KIFC1: variants seen among roughly 807,000 people sequenced by gnomAD.
KIFC1 encodes the protein kinesin-like protein KIFC1.
A neutral mutation model predicts 66.6 loss-of-function variants in KIFC1; 37 were observed. The ratio of observed to expected loss-of-function variants is 0.56; its 90% CI spans 0.43 to 0.73. KIFC1 has a LOEUF of 0.73. Ranked by LOEUF, KIFC1 falls within the 30% of genes least tolerant of loss-of-function variation. KIFC1 has a pLI of 0.00. For synonymous variants in KIFC1, 325 were observed against 343.5 expected (o/e 0.95, Z 0.60); for missense variants, 721 against 859.8 (o/e 0.84, Z 2.02).
chr6:33,409,405 C>T (rs1288767493), intron 10 of KIFC1, among the ~76,000 whole-genome samples: 1 of 152,122 alleles, frequency 6.6e-6, no homozygotes, highest in Non-Finnish European at 1.5e-5. Flanking sequence ...ATGAAAGCCT[C>T]CTTTCTCTGC....
At position 33,400,681 on chromosome 6, in the gene KIFC1, C is replaced by G. The variant is rs1459201996; in HGVS notation, c.250+2294C>G. Reference sequence around the variant, plus strand: ...TTTTTTTTTGAGATGGAGTCTCGCTCTGTCGCCCAGGCTGGAGTGCAGTGG... The same window carrying G: ...TTTTTTTTTGAGATGGAGTCTCGCTGTGTCGCCCAGGCTGGAGTGCAGTGG... On this transcript the variant is annotated intron_variant, in intron 3 of 10. Coordinates refer to ENST00000428849, the MANE Select transcript of KIFC1 (RefSeq NM_002263.4). The surrounding 1 kb of genome is among the most constrained non-coding windows in gnomAD (Gnocchi z 4.3). 7 of 601,598 alleles carry G rather than the reference C, an allele frequency of 1.2e-5. No homozygotes were observed. Among genetic ancestry groups the G allele is most frequent in the South Asian group, 7.7e-5 (4 of 52,042 alleles). The allele number at this position is 601,598 out of a possible 1,614,324, so 37.3% of individuals were successfully genotyped here.
chr6:33,405,527 C>T lies in KIFC1; in HGVS notation c.1432C>T (p.Arg478Trp), dbSNP rs145495302. ...TVRDLLATGTRKGQGGECEIR... is the reference protein window; with the variant it reads ...TVRDLLATGTWKGQGGECEIR... ...CCGGGACCTGCTGGCCACTGGAACC[C>T]GGAAGGGTCAAGGGGGCGAGTGTGA... The change falls in exon 7 of 11, where the codon CGG becomes TGG. Residue 478 changes from arginine to tryptophan, a missense_variant. By Grantham distance (101) the Arg-to-Trp change is moderately radical (BLOSUM62 -3). Coordinates refer to ENST00000428849, the MANE Select transcript of KIFC1 (RefSeq NM_002263.4). This position sits in a 1 kb window ranked among gnomAD's most constrained non-coding sequence, Gnocchi z 5.4. 5.0e-6 allele frequency: 8 copies of T among 1,611,474 alleles called. No individual in the cohort carries two copies. Among genetic ancestry groups the T allele is most frequent in the East Asian group, 4.5e-5 (2 of 44,878 alleles).
In KIFC1 at chr6:33,405,903, TC is replaced by T. The variant is rs1562838683; in HGVS notation, c.1536+274del. Among the ~76,000 whole-genome samples the T allele has an allele frequency of 6.6e-6, 1 of 152,162 alleles. No homozygotes were observed. Among genetic ancestry groups the T allele is most frequent in the Non-Finnish European group, 1.5e-5 (1 of 68,036 alleles). The stretch of plus-strand genomic sequence containing the variant: ...TCAGCTCATCCTAGCCATGCTGGCC[TC>T]CTGGCTGTTCCTCAACCAGCTAGTC... On this transcript the variant is annotated intron_variant, in intron 7 of 10. Transcript: ENST00000428849. This position sits in a 1 kb window ranked among gnomAD's most constrained non-coding sequence, Gnocchi z 5.4.
intron 10 of KIFC1, 75 bp from the exon 11 acceptor site, chr6:33,409,571 G>A (rs1471810619): frequency 3.5e-6 from 5 of 1,417,068 alleles, no homozygotes; most frequent in Non-Finnish European, 5.0e-6. Flanking sequence ...TAGCATTGGA[G>A]GATGGGAGAT....
intron 1 of KIFC1, among the ~76,000 whole-genome samples, chr6:33,396,350 C>G (rs561767992): frequency 1.3e-5 from 2 of 150,532 alleles, no homozygotes; most frequent in South Asian, 4.4e-4. Context: ...AACCCTGTCT[C>G]AAAAACAAAT....
chr6:33,396,857 A>AT (rs1260176796), intron 1 of KIFC1, among the ~76,000 whole-genome samples: 1 of 150,810 alleles, frequency 6.6e-6, no homozygotes, highest in Non-Finnish European at 1.5e-5. Flanking sequence ...AATTTTTTGT[A>AT]TTTTTTAGTA....
intron 1 of KIFC1, among the ~76,000 whole-genome samples, chr6:33,393,434 CTTTT>C (rs71536188): frequency 4.8e-5 from 4 of 82,508 alleles, no homozygotes; most frequent in Admixed American, 1.5e-4. Context: ...GCACCATTGC[CTTTT>C]TTTTTTTTTT....
chr6:33,405,537 A>G lies in KIFC1; in HGVS notation c.1442A>G (p.Gln481Arg). The change falls in exon 7 of 11, where the codon CAA (glutamine) becomes CGA (arginine). Residue 481 changes from glutamine (Q) to arginine (R), a missense_variant. Coordinates refer to ENST00000428849, the MANE Select transcript of KIFC1 (RefSeq NM_002263.4). This position sits in a 1 kb window ranked among gnomAD's most constrained non-coding sequence, Gnocchi z 5.4. ...DLLATGTRKG[Q>R]GGECEIRRAG... ...CTGGCCACTGGAACCCGGAAGGGTC[A>G]AGGGGGCGAGTGTGAGATTCGCCGT... 1 of 1,609,624 alleles carries G rather than the reference A, an allele frequency of 6.2e-7. No individual in the cohort carries two copies. Among genetic ancestry groups the G allele is most frequent in the Non-Finnish European group, 8.5e-7 (1 of 1,178,044 alleles).
chr6:33,398,232 G>C lies in KIFC1; in HGVS notation c.151-56G>C, dbSNP rs1775191332. The C allele has an allele frequency of 1.9e-6, 3 of 1,613,644 alleles. No individual in the cohort carries two copies. The Admixed American group carries it at 5.0e-5, about 27-fold the overall frequency. On this transcript the variant is annotated intron_variant, in intron 2 of 10. Coordinates refer to ENST00000428849, the MANE Select transcript of KIFC1 (RefSeq NM_002263.4). ...GTGTGTGTGTGAAAGAAAGGAGAGA[G>C]AGAGTATAAACCATTAGGGAGGGTG...
chr6:33,402,357 T>TGA (rs1406171025), intron 3 of KIFC1, among the ~76,000 whole-genome samples: 1 of 152,180 alleles, frequency 6.6e-6, no homozygotes, highest in African/African-American at 2.4e-5. Context: ...CGAAATGTCA[T>TGA]TATGGGCACA....
chr6:33,408,644 ATTGAG>A (rs1775760372), intron 10 of KIFC1, among the ~76,000 whole-genome samples: 1 of 152,214 alleles, frequency 6.6e-6, no homozygotes, highest in Admixed American at 6.5e-5. Flanking sequence ...GATTTTCAGT[ATTGAG>A]TTGATATCCT....
In KIFC1 at chr6:33,404,204, C is replaced by A. The variant is rs1286235145; in HGVS notation, c.756+75C>A. On this transcript the variant is annotated intron_variant, in intron 6 of 10. Transcript: ENST00000428849. The surrounding 1 kb of genome is among the most constrained non-coding windows in gnomAD (Gnocchi z 4.0). Reference sequence around the variant, plus strand: ...TCATGCCTCCCCTCCCTTCCAGGTACCCCTCAAGTCTGGGCTGAGAACTCC... The same window carrying A: ...TCATGCCTCCCCTCCCTTCCAGGTAACCCTCAAGTCTGGGCTGAGAACTCC... The A allele has an allele frequency of 6.9e-7, 1 of 1,443,402 alleles. No homozygotes were observed. Among genetic ancestry groups the A allele is most frequent in the Non-Finnish European group, 9.4e-7 (1 of 1,060,410 alleles). The allele number at this position is 1,443,402 out of a possible 1,614,324, so 89.4% of individuals were successfully genotyped here.
At chr6:33,408,879 T>C (rs1310625328) in intron 10 of KIFC1, among the ~76,000 whole-genome samples, 1 of 147,238 alleles carries the variant, frequency 6.8e-6, no homozygotes, top group Non-Finnish European at 1.5e-5. Flanking sequence ...CTTTAGCCAA[T>C]AGGAACCTCC....
In KIFC1 at chr6:33,409,705, C is replaced by CTGTGTGTGTG. The variant is rs3066474; in HGVS notation, c.*55_*64dup. The CTGTGTGTGTG allele has an allele frequency of 1.7e-3, 2,086 of 1,263,076 alleles. 5 individuals carry two copies. Among genetic ancestry groups the CTGTGTGTGTG allele is most frequent in the East Asian group, 6.9e-3 (271 of 39,456 alleles). The allele number at this position is 1,263,076 out of a possible 1,614,324, so 78.2% of individuals were successfully genotyped here. A position where few individuals can be genotyped will look rare whatever the true frequency, so the allele number is the denominator to read the frequency against. ...ACAGGAAGTGAAGACGGATCCAGAT[C>CTGTGTGTGTG]TGTGTGTGTGTGTGTGTGTGTGTGT... On this transcript the variant is annotated 3_prime_UTR_variant, in exon 11 of 11. Coordinates refer to ENST00000428849, the MANE Select transcript of KIFC1 (RefSeq NM_002263.4).
At chr6:33,396,256 A>T (rs1223919609) in intron 1 of KIFC1, among the ~76,000 whole-genome samples, 1 of 152,042 alleles carries the variant, frequency 6.6e-6, no homozygotes, top group Non-Finnish European at 1.5e-5. Context: ...TGCTGGGTCC[A>T]GTGGCATGTG....
intron 1 of KIFC1, among the ~76,000 whole-genome samples, chr6:33,393,434 C>CT (rs71536188): frequency 0.33 from 27,298 of 82,406 alleles, 4,540 homozygotes; most frequent in East Asian, 0.48. Context: ...GCACCATTGC[C>CT]TTTTTTTTTT....
At chr6:33,394,509 TCTCA>T (rs769224050) in intron 1 of KIFC1, among the ~76,000 whole-genome samples, 1 of 152,136 alleles carries the variant, frequency 6.6e-6, no homozygotes, top group African/African-American at 2.4e-5. Context: ...ATACGGAGTC[TCTCA>T]CTCTGTTGCC....
rs1298080039 is a variant in KIFC1 at position 33,391,922 on chromosome 6, A to G, written c.-64A>G. On this transcript the variant is annotated 5_prime_UTR_variant, in exon 1 of 11. Coordinates refer to ENST00000428849, the MANE Select transcript of KIFC1 (RefSeq NM_002263.4). Reference sequence around the variant, plus strand: ...GAGCGGGCGAGAGAACGCGAGTCCCAGGATCCCCGGCACCCAGTTCTCTTC... The same window carrying G: ...GAGCGGGCGAGAGAACGCGAGTCCCGGGATCCCCGGCACCCAGTTCTCTTC... 19 of 1,602,758 alleles carry G rather than the reference A, an allele frequency of 1.2e-5. No individual in the cohort carries two copies. Among genetic ancestry groups the G allele is most frequent in the Non-Finnish European group, 1.6e-5 (19 of 1,170,412 alleles).
intron 1 of KIFC1, among the ~76,000 whole-genome samples, chr6:33,392,337 G>A (rs184720618): frequency 6.6e-6 from 1 of 152,354 alleles, no homozygotes; most frequent in East Asian, 1.9e-4. Flanking sequence ...TGATTGCAGT[G>A]TGTAAGAAGG....
Sources: gnomAD v4.1 joint callset for allele counts (sites outside exome capture counted in the v4.1 genomes callset) on GRCh38, gnomAD v4.1.1 for gene constraint, Gnocchi (gnomAD v3.1) non-coding constraint, MANE v1.5 for transcripts, NCBI Gene and HGNC (gene_info 2026-07-23, HGNC 2026-07-21) for gene names.